The following SCN8A variants were observed in gnomAD, a reference collection of about 807,000 sequenced individuals.
SCN8A encodes the protein sodium voltage-gated channel alpha subunit 8.
Under a neutral mutation model 184.1 loss-of-function variants are expected in SCN8A, and 30 were observed. The ratio of observed to expected loss-of-function variants is 0.16; its 90% CI spans 0.12 to 0.22. The LOEUF (loss-of-function observed/expected upper bound fraction) is 0.22. SCN8A is among the 10% of genes least tolerant of loss of function. SCN8A has a pLI of 1.00. For synonymous variants in SCN8A, 852 were observed against 907.0 expected, an observed-to-expected ratio of 0.94 and a Z score of 1.09; for missense variants, 1,057 against 2,498.9, an observed-to-expected ratio of 0.42 and a Z score of 12.30.
intron 1 of SCN8A, among the ~76,000 whole-genome samples, chr12:51,605,279 A>T (rs1343263565): frequency 6.6e-6 from 1 of 152,056 alleles, no homozygotes; most frequent in Non-Finnish European, 1.5e-5. Flanking sequence ...CCCAAAGTCC[A>T]CTGTATCATT....
In SCN8A at chr12:51,673,839, C is replaced by A. The variant is rs988241744; in HGVS notation, c.277-10335C>A. The stretch of plus-strand genomic sequence containing the variant: ...TTAACTGCTCTAATAGAAGTAAGTA[C>A]AAGTGTTATAGGGACACACAGGAGG... On this transcript the variant is annotated intron_variant, in intron 2 of 26. Coordinates refer to ENST00000627620, the MANE Select transcript of SCN8A (RefSeq NM_001330260.2). Among the ~76,000 whole-genome samples, 3 of 152,130 alleles carry A rather than the reference C, an allele frequency of 2.0e-5. No individual in the cohort carries two copies. The East Asian group carries it at 5.8e-4, about 29-fold the overall frequency.
chr12:51,614,799 T>A (rs968465810), intron 1 of SCN8A, among the ~76,000 whole-genome samples: 5 of 151,492 alleles, frequency 3.3e-5, no homozygotes, highest in African/African-American at 1.2e-4. Context: ...TTTTTTTTTT[T>A]AAATCCATTC....
intron 1 of SCN8A, among the ~76,000 whole-genome samples, chr12:51,620,725 C>T (rs892624143): frequency 2.0e-5 from 3 of 151,730 alleles, no homozygotes; most frequent in Non-Finnish European, 4.4e-5. Context: ...TGGTGATTCA[C>T]GCCTGTAATC....
chr12:51,703,944 C>T (rs759166508), intron 9 of SCN8A, among the ~76,000 whole-genome samples: 10 of 151,508 alleles, frequency 6.6e-5, no homozygotes, highest in South Asian at 2.1e-4. Context: ...CTCGCTCTGT[C>T]GCCCAGGCTG....
chr12:51,722,019 C>T (rs747574038), intron 12 of SCN8A, 111 bp downstream of exon 12: 18 of 1,569,622 alleles, frequency 1.1e-5, no homozygotes, highest in Non-Finnish European at 1.5e-5. Flanking sequence ...CCCTGCTCTG[C>T]CCATCCCACT....
In SCN8A at chr12:51,705,545, A is replaced by T. The variant is rs780254154; in HGVS notation, c.1263A>T (p.Thr421=). The change falls in exon 10 of 27, where the codon ACA becomes ACT. Residue 421 remains threonine, a synonymous_variant. Coordinates refer to ENST00000627620, the MANE Select transcript of SCN8A (RefSeq NM_001330260.2). ...CTTATGAAGAACAGAATCAGGCAACACTGGAGGAGGCAGAACAAAAAGAGG... is the reference window on the plus strand; with the variant it reads ...CTTATGAAGAACAGAATCAGGCAACTCTGGAGGAGGCAGAACAAAAAGAGG... ...AMAYEEQNQA[T]LEEAEQKEAE... is the part of the protein sequence containing the mutation. The T allele has an allele frequency of 5.6e-6, 9 of 1,613,928 alleles. No individual in the cohort carries two copies. The East Asian group carries it at 2.0e-4, about 36-fold the overall frequency.
intron 9 of SCN8A, among the ~76,000 whole-genome samples, chr12:51,704,745 C>T (rs1012301992): frequency 4.0e-5 from 6 of 150,452 alleles, no homozygotes; most frequent in African/African-American, 9.8e-5. Flanking sequence ...GAGGCCGAGG[C>T]GGGTGGATCA....
intron 11 of SCN8A, among the ~76,000 whole-genome samples, chr12:51,714,090 CT>C (rs1301104173): frequency 6.6e-6 from 1 of 151,300 alleles, no homozygotes. Flanking sequence ...GTATGATTTT[CT>C]TTGGTTAAGG....
intron 1 of SCN8A, among the ~76,000 whole-genome samples, chr12:51,655,152 G>T (rs889004826): frequency 9.2e-5 from 14 of 152,094 alleles, no homozygotes; most frequent in African/African-American, 3.4e-4. Context: ...GCCTGGCTCA[G>T]CCCCCCATAG....
intron 19 of SCN8A, among the ~76,000 whole-genome samples, chr12:51,773,312 A>G (rs1224590909): frequency 6.6e-6 from 1 of 152,062 alleles, no homozygotes; most frequent in Non-Finnish European, 1.5e-5. Flanking sequence ...TTGGCACCAT[A>G]CCTGTATAGT....
chr12:51,751,307 G>A (rs371064538), intron 13 of SCN8A, 48 bp from the exon 14 acceptor site: 192 of 1,284,170 alleles, frequency 1.5e-4, no homozygotes, highest in Non-Finnish European at 2.0e-4. Context: ...TGTCCCCCTG[G>A]TTTTCTTGCT....
At chr12:51,755,442 C>G (rs754491634) in intron 14 of SCN8A, among the ~76,000 whole-genome samples, 1 of 152,138 alleles carries the variant, frequency 6.6e-6, no homozygotes, top group Non-Finnish European at 1.5e-5. Context: ...AGGATACTTT[C>G]GTGTTTTTCC....
intron 21 of SCN8A, 34 bp downstream of exon 21, chr12:51,780,805 G>A: frequency 6.5e-7 from 1 of 1,544,822 alleles, no homozygotes; most frequent in Non-Finnish European, 8.7e-7. Context: ...CCTTCTGCAT[G>A]CCAGTGGAAA....
intron 1 of SCN8A, among the ~76,000 whole-genome samples, chr12:51,599,044 T>C (rs1939408920): frequency 6.6e-6 from 1 of 152,196 alleles, no homozygotes; most frequent in African/African-American, 2.4e-5. Flanking sequence ...GTTTTCCTTA[T>C]AGAATTACCT....
At position 51,702,838 on chromosome 12, in the gene SCN8A, T is replaced by A. The variant is rs1941713910; in HGVS notation, c.1058T>A (p.Phe353Tyr). Residue 353 changes from phenylalanine (F) to tyrosine (Y), a missense_variant, in exon 9 of 27, where the codon TTT becomes TAT. Around this residue, in one of 19 missense-constraint regions of SCN8A, gnomAD observed 27 missense variants for 150.1 expected, o/e 0.18. Transcript: ENST00000627620. ...GRNPNYGYTS[F>Y]DTFSWAFLAL... ...AACCCCAACTATGGTTACACAAGTTTTGACACTTTTAGCTGGGCCTTCTTG... is the reference window on the plus strand; with the variant it reads ...AACCCCAACTATGGTTACACAAGTTATGACACTTTTAGCTGGGCCTTCTTG... 1.2e-6 allele frequency: 2 copies of A among 1,608,788 alleles called. No individual in the cohort carries two copies. The highest frequency in any genetic ancestry group is 2.7e-5 in the African/African-American group (2 of 74,904).
chr12:51,804,130 T>G (rs1171183131), intron 26 of SCN8A, among the ~76,000 whole-genome samples: 2 of 152,164 alleles, frequency 1.3e-5, no homozygotes, highest in Non-Finnish European at 2.9e-5. Flanking sequence ...TCAACTCCCT[T>G]CCTTCTGTGG....
chr12:51,751,322 T>C, intron 13 of SCN8A, 33 bp from the exon 14 acceptor site: 2 of 1,451,356 alleles, frequency 1.4e-6, no homozygotes, highest in South Asian at 1.2e-5. Context: ...CTTGCTGTGA[T>C]TGAGGGGCCA....
At chr12:51,647,230 A>G (rs1365876533) in intron 1 of SCN8A, among the ~76,000 whole-genome samples, 1 of 152,210 alleles carries the variant, frequency 6.6e-6, no homozygotes, top group African/African-American at 2.4e-5. Flanking sequence ...GTGCTTCACA[A>G]GTATCTCCTG....
chr12:51,606,459 A>G (rs1939594812), intron 1 of SCN8A, among the ~76,000 whole-genome samples: 1 of 152,176 alleles, frequency 6.6e-6, no homozygotes. Context: ...GCCTATTTTT[A>G]TACCAGTACC....
Sources: allele counts gnomAD v4.1 joint callset (sites outside exome capture counted in the v4.1 genomes callset), GRCh38; gene constraint gnomAD v4.1.1; regional missense constraint gnomAD v4.1.1; transcripts MANE v1.5; gene names NCBI Gene and HGNC (gene_info 2026-07-23, HGNC 2026-07-21).